Variants in SRPRA observed in about 807,000 individuals in gnomAD.
The protein encoded by SRPRA is signal recognition particle receptor subunit alpha.
In SRPRA, 30 loss-of-function variants were observed where a neutral mutation model predicts 61.1. That is an observed-to-expected ratio of 0.49 (90% CI 0.37 to 0.67). SRPRA has a LOEUF of 0.67. Ranked by LOEUF, SRPRA falls within the 30% of genes least tolerant of loss-of-function variation. SRPRA has a pLI of 0.00. For synonymous variants in SRPRA, 324 were observed against 299.7 expected (o/e 1.08, Z -0.84); for missense variants, 759 against 828.4 (o/e 0.92, Z 1.03).
rs990983846 is a variant in SRPRA, at chr11:126,263,318, C to T, written c.*598G>A. 1.2e-4 allele frequency: 19 copies of T among 152,596 alleles called. No homozygotes were observed. Among genetic ancestry groups the T allele is most frequent in the African/African-American group, 4.3e-4 (18 of 41,456 alleles). The allele number at this position is 152,596 out of a possible 1,614,324, so 9.5% of individuals were successfully genotyped here. On this transcript the variant is annotated 3_prime_UTR_variant, in exon 14 of 14. Coordinates refer to ENST00000332118, the MANE Select transcript of SRPRA (RefSeq NM_003139.4). ...ATTTCTGAGGGAAGCAAGGACTCAT[C>T]TTTTGCTCATTTGTAACAAATCACT... is the stretch of plus-strand genomic sequence containing the variant.
At position 126,268,687 on chromosome 11, in the gene SRPRA, C is replaced by T; in HGVS notation, c.117+1G>A. The T allele has an allele frequency of 6.2e-7, 1 of 1,612,770 alleles. No homozygotes were observed. Among genetic ancestry groups the T allele is most frequent in the Non-Finnish European group, 8.5e-7 (1 of 1,179,134 alleles). On this transcript the variant is annotated splice_donor_variant, in intron 1 of 13. Transcript: ENST00000332118. LOFTEE classifies it high-confidence loss of function. ...GAGTTCTGATCCCACGGGGACGGTA[C>T]CTGCAGCAGCACGGAACGAATCAAC...
In SRPRA at chr11:126,264,398, CCTA is replaced by C; in HGVS notation, c.1664_1666del (p.Val555del). On this transcript the variant is annotated inframe_deletion, in exon 12 of 14. Transcript: ENST00000332118. The surrounding 1 kb of genome is among the most constrained non-coding windows in gnomAD (Gnocchi z 5.0). ...CACCAGCTGGTCCACGGCTTCATTGCCTACTAAGGCTTCTCCTACAAACAGCAC... is the reference window on the plus strand; with the variant it reads ...CACCAGCTGGTCCACGGCTTCATTGCCTAAGGCTTCTCCTACAAACAGCAC... The C allele has an allele frequency of 6.2e-7, 1 of 1,614,202 alleles. No homozygotes were observed. The highest frequency in any genetic ancestry group is 8.5e-7 in the Non-Finnish European group (1 of 1,180,032).
chr11:126,258,721 A>G (rs2135219827), downstream of SRPRA, among the ~76,000 whole-genome samples: 1 of 152,370 alleles, frequency 6.6e-6, no homozygotes, highest in South Asian at 2.1e-4. Context: ...TTCATTAACA[A>G]GACATACATA....
At chr11:126,240,341 C>T in the SRPRA span, among the ~76,000 whole-genome samples, 3 of 151,718 alleles carry the variant, frequency 2.0e-5, no homozygotes, top group African/African-American at 7.3e-5. Flanking sequence ...TGCCTTTCCC[C>T]TAGTGTTTTA....
chr11:126,239,473 T>C, the SRPRA span, among the ~76,000 whole-genome samples: 2 of 152,254 alleles, frequency 1.3e-5, no homozygotes, highest in Non-Finnish European at 2.9e-5. Context: ...CTATCTTGAT[T>C]GCTCTGAACT....
rs1433360733 is a variant in SRPRA at position 126,265,922 on chromosome 11, C to G, written c.1051+41G>C. 17 of 1,611,342 alleles carry G rather than the reference C, an allele frequency of 1.1e-5. No individual in the cohort carries two copies. The highest frequency in any genetic ancestry group is 3.3e-5 in the Admixed American group (2 of 59,998). On this transcript the variant is annotated intron_variant, in intron 8 of 13. Transcript: ENST00000332118. This position sits in a 1 kb window ranked among gnomAD's most constrained non-coding sequence, Gnocchi z 6.3. The stretch of plus-strand genomic sequence containing the variant: ...TAGGTGATTCTGCTCTCAACTACCC[C>G]TATCCCGCGAGTATGAGTCAGCCCG...
At chr11:126,266,342 A>T in intron 6 of SRPRA, 64 bp from the exon 7 acceptor site, 1 of 1,597,844 alleles carries the variant, frequency 6.3e-7, no homozygotes, top group Non-Finnish European at 8.6e-7. Context: ...AAACGTCCAC[A>T]TTGCTCTATC....
At position 126,267,377 on chromosome 11, in the gene SRPRA, G is replaced by C; in HGVS notation, c.366-42C>G. On this transcript the variant is annotated intron_variant, in intron 3 of 13. Transcript: ENST00000332118. This position sits in a 1 kb window ranked among gnomAD's most constrained non-coding sequence, Gnocchi z 4.2. ...ATGGTTTATCTTTCTACCCCATGCAGAAGGAAAAATAACGGTCCAGAGAAA... is the reference window on the plus strand; with the variant it reads ...ATGGTTTATCTTTCTACCCCATGCACAAGGAAAAATAACGGTCCAGAGAAA... 6.2e-7 allele frequency: 1 copy of C among 1,605,324 alleles called. No individual in the cohort carries two copies. The highest frequency in any genetic ancestry group is 8.5e-7 in the Non-Finnish European group (1 of 1,176,508).
the SRPRA span, among the ~76,000 whole-genome samples, chr11:126,243,903 CAAAAA>C: frequency 9.6e-6 from 1 of 104,590 alleles, no homozygotes; most frequent in East Asian, 3.1e-4. Context: ...GACTCCGTCT[CAAAAA>C]AAAAAAAAAA....
downstream of SRPRA, chr11:126,262,320 T>C (rs753101077): frequency 3.8e-5 from 23 of 606,446 alleles, no homozygotes; most frequent in Non-Finnish European, 6.6e-5. Flanking sequence ...GTTCTTGATA[T>C]TCTGCCGCCT....
the SRPRA span, among the ~76,000 whole-genome samples, chr11:126,251,245 T>G: frequency 1.3e-5 from 2 of 152,244 alleles, no homozygotes; most frequent in Non-Finnish European, 2.9e-5. Flanking sequence ...ATTATAGATG[T>G]TGATCTGTGT....
Position 126,267,269 on chromosome 11 carries a change from C to T in SRPRA, c.432G>A (p.Lys144=). ...TCATGGACCTCACAGGTTTCTTGGC[C>T]TTTTCAGAATCTTCAAATTTCTTCA... is the stretch of plus-strand genomic sequence containing the variant. ...TTMKKFEDSE[K]AKKPVRSMIE... is the part of the protein sequence containing the mutation. The change falls in exon 4 of 14, where the codon AAG becomes AAA. Residue 144 remains lysine (K), a synonymous_variant. Transcript: ENST00000332118. This position sits in a 1 kb window ranked among gnomAD's most constrained non-coding sequence, Gnocchi z 4.2. 6.2e-7 allele frequency: 1 copy of T among 1,614,098 alleles called. No individual in the cohort carries two copies. Among genetic ancestry groups the T allele is most frequent in the Non-Finnish European group, 8.5e-7 (1 of 1,180,028 alleles).
In SRPRA at chr11:126,265,823, G is replaced by C; in HGVS notation, c.1052C>G (p.Ala351Gly). The change falls in exon 9 of 14, where the codon GCT (alanine) becomes GGT (glycine). Residue 351 changes from alanine to glycine, a missense_variant and splice_region_variant. This residue lies in a region of SRPRA where 475 missense variants were observed against 462.5 expected (regional missense o/e 1.03). Coordinates refer to ENST00000332118, the MANE Select transcript of SRPRA (RefSeq NM_003139.4). The surrounding 1 kb of genome is among the most constrained non-coding windows in gnomAD (Gnocchi z 6.3). ...GGCAATGTCTGCAGCCACGTTCTTA[G>C]CTGAGGAGAGGGGGACAGGTATGTC... ...VLDKMRDHLI[A>G]KNVAADIAVQ... The C allele has an allele frequency of 1.2e-6, 2 of 1,614,256 alleles. No individual in the cohort carries two copies. Among genetic ancestry groups the C allele is most frequent in the Non-Finnish European group, 1.7e-6 (2 of 1,180,044 alleles).
At chr11:126,246,409 T>TTAAA in the SRPRA span, among the ~76,000 whole-genome samples, 1 of 152,188 alleles carries the variant, frequency 6.6e-6, no homozygotes, top group Non-Finnish European at 1.5e-5. Context: ...ACTCTGCCAC[T>TTAAA]TAAATGCACT....
Position 126,267,903 on chromosome 11 carries a change from AGTTAC to A in SRPRA, c.201+95_201+99del. The stretch of plus-strand genomic sequence containing the variant: ...CCCCATCTACCTTTCTAGTTTTTTC[AGTTAC>A]GTCATCATATACACTGGCTGCAATT... On this transcript the variant is annotated intron_variant, in intron 2 of 13. Coordinates refer to ENST00000332118, the MANE Select transcript of SRPRA (RefSeq NM_003139.4). This position sits in a 1 kb window ranked among gnomAD's most constrained non-coding sequence, Gnocchi z 4.2. The A allele has an allele frequency of 1.4e-6, 2 of 1,441,624 alleles. No homozygotes were observed. The highest frequency in any genetic ancestry group is 1.9e-6 in the Non-Finnish European group (2 of 1,036,330). 89.3% of individuals were successfully genotyped at this position (1,441,624 alleles called of 1,614,324 possible).
At chr11:126,249,450 A>T in the SRPRA span, among the ~76,000 whole-genome samples, 4 of 151,278 alleles carry the variant, frequency 2.6e-5, no homozygotes, top group African/African-American at 9.7e-5. Flanking sequence ...GGAGATGCTG[A>T]GGCTGGGTGT....
the SRPRA span, among the ~76,000 whole-genome samples, chr11:126,239,871 T>C: frequency 2.0e-5 from 3 of 152,078 alleles, no homozygotes; most frequent in Non-Finnish European, 4.4e-5. Context: ...GGGAAAGCAG[T>C]TTTAGAGGCT....
the SRPRA span, among the ~76,000 whole-genome samples, chr11:126,251,424 A>G: frequency 6.6e-6 from 1 of 152,242 alleles, no homozygotes; most frequent in Non-Finnish European, 1.5e-5. Context: ...TCAGTACTAC[A>G]GTATTGCCCC....
the SRPRA span, among the ~76,000 whole-genome samples, chr11:126,257,377 G>T: frequency 6.6e-6 from 1 of 152,162 alleles, no homozygotes; most frequent in Non-Finnish European, 1.5e-5. Flanking sequence ...AGATGCATGC[G>T]TGGGAATGTA....
Sources: allele counts gnomAD v4.1 joint callset (sites outside exome capture counted in the v4.1 genomes callset), GRCh38; gene constraint gnomAD v4.1.1; regional missense constraint gnomAD v4.1.1; non-coding constraint Gnocchi (gnomAD v3.1); transcripts MANE v1.5; gene names NCBI Gene and HGNC (gene_info 2026-07-23, HGNC 2026-07-21).